ITGB3BP: variants seen among roughly 807,000 people sequenced by gnomAD.
ITGB3BP encodes integrin subunit beta 3 binding protein.
In ITGB3BP, 27 loss-of-function variants were observed where a neutral mutation model predicts 29.1. The observed-to-expected ratio is 0.93, with a 90% CI of 0.68 to 1.28. ITGB3BP has a LOEUF of 1.28. ITGB3BP is among the 50% of genes most tolerant of loss of function. The pLI is 0.00. For missense variants in ITGB3BP, 192 were observed against 200.2 expected (o/e 0.96, Z 0.25); for synonymous variants, 61 against 61.4 (o/e 0.99, Z 0.03).
intron 4 of ITGB3BP, among the ~76,000 whole-genome samples, chr1:63,461,968 A>G (rs1404580316): frequency 6.6e-6 from 1 of 152,200 alleles, no homozygotes; most frequent in Non-Finnish European, 1.5e-5. Context: ...CTTCATATGA[A>G]TTTAAGGACA....
chr1:63,515,360 C>T (rs1646291948), intron 1 of ITGB3BP, among the ~76,000 whole-genome samples: 1 of 152,196 alleles, frequency 6.6e-6, no homozygotes. Context: ...ATGCCCAAAC[C>T]ACATTGAGTT....
At chr1:63,496,662 C>T (rs1645796074) in intron 2 of ITGB3BP, among the ~76,000 whole-genome samples, 2 of 152,278 alleles carry the variant, frequency 1.3e-5, no homozygotes, top group Middle Eastern at 3.4e-3. Context: ...AAAACAGCTA[C>T]TTGGAGTATA....
intron 1 of ITGB3BP, among the ~76,000 whole-genome samples, chr1:63,515,784 C>A (rs1207136673): frequency 1.5e-5 from 2 of 134,992 alleles, no homozygotes; most frequent in Non-Finnish European, 3.1e-5. Flanking sequence ...CAAGATTGCA[C>A]CACTGCACTC....
intron 3 of ITGB3BP, among the ~76,000 whole-genome samples, chr1:63,489,103 T>G (rs1260838888): frequency 6.6e-6 from 1 of 151,968 alleles, no homozygotes; most frequent in African/African-American, 2.4e-5. Context: ...GTGTATACAT[T>G]TTCATACATT....
At chr1:63,495,852 G>C (rs1645773683) in intron 2 of ITGB3BP, among the ~76,000 whole-genome samples, 1 of 152,056 alleles carries the variant, frequency 6.6e-6, no homozygotes, top group African/African-American at 2.4e-5. Context: ...AGAATGAAAA[G>C]ATTCAGCATG....
At chr1:63,482,800 T>G (rs1359146188) in intron 3 of ITGB3BP, among the ~76,000 whole-genome samples, 1 of 152,120 alleles carries the variant, frequency 6.6e-6, no homozygotes, top group East Asian at 1.9e-4. Context: ...ACTGCAAGCG[T>G]GCACCACCAC....
At chr1:63,456,246 TTATC>T (rs1644934669) in intron 4 of ITGB3BP, among the ~76,000 whole-genome samples, 1 of 152,194 alleles carries the variant, frequency 6.6e-6, no homozygotes, top group Non-Finnish European at 1.5e-5. Flanking sequence ...AAGTAAAATT[TTATC>T]TAAGTATGCG....
intron 4 of ITGB3BP, among the ~76,000 whole-genome samples, chr1:63,463,595 A>G (rs887269334): frequency 6.6e-6 from 1 of 152,244 alleles, no homozygotes; most frequent in African/African-American, 2.4e-5. Flanking sequence ...GACAGTCACC[A>G]TTACTGCATT....
chr1:63,454,048 ACTTCATG>A lies in ITGB3BP; in HGVS notation c.428-81_428-75del. 1 of 777,300 alleles carries A rather than the reference ACTTCATG, an allele frequency of 1.3e-6. No homozygotes were observed. The highest frequency in any genetic ancestry group is 2.2e-6 in the Non-Finnish European group (1 of 464,264). 48.2% of individuals were successfully genotyped at this position (777,300 alleles called of 1,614,324 possible). ...AATTTCTCAATACTTGCAACAAACAACTTCATGAGAAAAAAATAATTCAAAATAATAC... is the reference window on the plus strand; with the variant it reads ...AATTTCTCAATACTTGCAACAAACAAAGAAAAAAATAATTCAAAATAATAC... On this transcript the variant is annotated intron_variant, in intron 6 of 8. Transcript: ENST00000271002. This position sits in a 1 kb window ranked among gnomAD's most constrained non-coding sequence, Gnocchi z 4.1.
At chr1:63,462,249 G>C (rs1362272343) in intron 4 of ITGB3BP, among the ~76,000 whole-genome samples, 1 of 152,044 alleles carries the variant, frequency 6.6e-6, no homozygotes, top group Non-Finnish European at 1.5e-5. Context: ...TACTGCAATG[G>C]ACTGCTTCCT....
At chr1:63,446,958 C>G in intron 7 of ITGB3BP, 102 bp from the exon 8 acceptor site, 1 of 821,160 alleles carries the variant, frequency 1.2e-6, no homozygotes, top group Non-Finnish European at 2.0e-6. Context: ...GAAATTAAAA[C>G]AACCTGAAGT....
intron 4 of ITGB3BP, among the ~76,000 whole-genome samples, chr1:63,477,089 T>C (rs1645352968): frequency 6.6e-6 from 1 of 152,156 alleles, no homozygotes; most frequent in Non-Finnish European, 1.5e-5. Context: ...AGGAGCAGCA[T>C]GTCGAGGGAA....
intron 7 of ITGB3BP, among the ~76,000 whole-genome samples, chr1:63,448,531 A>G (rs558156544): frequency 7.9e-5 from 12 of 152,158 alleles, no homozygotes; most frequent in African/African-American, 2.9e-4. Flanking sequence ...TTTTAACTAT[A>G]TAACTAGTTA....
At chr1:63,458,654 C>A (rs1211090916) in intron 4 of ITGB3BP, among the ~76,000 whole-genome samples, 2 of 152,040 alleles carry the variant, frequency 1.3e-5, no homozygotes, top group Non-Finnish European at 2.9e-5. Flanking sequence ...TTTTTGATTT[C>A]CCTCCTTTTT....
intron 8 of ITGB3BP, among the ~76,000 whole-genome samples, chr1:63,445,458 T>G (rs571248760): frequency 6.6e-6 from 1 of 152,330 alleles, no homozygotes; most frequent in South Asian, 2.1e-4. Flanking sequence ...ATATTAAGAC[T>G]AGCTTGTCAG....
At chr1:63,514,944 C>CAAAAAAAA (rs55738892) in intron 1 of ITGB3BP, among the ~76,000 whole-genome samples, 6 of 117,090 alleles carry the variant, frequency 5.1e-5, no homozygotes, top group African/African-American at 1.9e-4. Context: ...GACTCTGTCT[C>CAAAAAAAA]AAAAAAAAAA....
At chr1:63,527,748 T>C (rs569795798), upstream of ITGB3BP, 3 of 152,222 alleles carry the variant, frequency 2.0e-5, no homozygotes, top group Non-Finnish European at 2.9e-5. Flanking sequence ...TGTTTTGGCA[T>C]AATTAATTTT....
intron 2 of ITGB3BP, among the ~76,000 whole-genome samples, chr1:63,504,689 G>A (rs375838582): frequency 2.6e-5 from 4 of 152,074 alleles, no homozygotes; most frequent in South Asian, 2.1e-4. Flanking sequence ...ACGTCCCATC[G>A]ATACCTAATT....
intron 2 of ITGB3BP, among the ~76,000 whole-genome samples, chr1:63,493,088 A>ACACACACACGCG (rs372348238): frequency 1.3e-4 from 19 of 148,848 alleles, no homozygotes; most frequent in African/African-American, 4.3e-4. Context: ...ACACACACAC[A>ACACACACACGCG]CGCGCGCGCG....
Sources: gnomAD v4.1 joint callset for allele counts (sites outside exome capture counted in the v4.1 genomes callset) on GRCh38, gnomAD v4.1.1 for gene constraint, Gnocchi (gnomAD v3.1) non-coding constraint, MANE v1.5 for transcripts, NCBI Gene and HGNC (gene_info 2026-07-23, HGNC 2026-07-21) for gene names.